Variants in NXN observed in about 807,000 individuals in gnomAD.
The protein encoded by NXN is nucleoredoxin 1.
Under a neutral mutation model 48.6 loss-of-function variants are expected in NXN, and 16 were observed. That is an observed-to-expected ratio of 0.33 (90% CI 0.22 to 0.50). The LOEUF (loss-of-function observed/expected upper bound fraction) is 0.50, where lower values mean the gene tolerates loss of function less well. NXN is among the 20% of genes least tolerant of loss of function. NXN has a pLI of 0.98. For synonymous variants in NXN, 281 were observed against 269.6 expected, an observed-to-expected ratio of 1.04 and a Z score of -0.41; for missense variants, 492 against 605.5, an observed-to-expected ratio of 0.81 and a Z score of 1.97.
chr17:815,037 A>T (rs1204776166), intron 5 of NXN, among the ~76,000 whole-genome samples: 1 of 152,214 alleles, frequency 6.6e-6, no homozygotes, highest in Admixed American at 6.5e-5. Context: ...AAGTCCAGGG[A>T]TTACAGGCGT....
intron 1 of NXN, among the ~76,000 whole-genome samples, chr17:855,152 G>A (rs753069661): frequency 2.0e-5 from 3 of 152,016 alleles, no homozygotes; most frequent in African/African-American, 4.8e-5. Context: ...GGAGCAAACC[G>A]GTAGTCCCAG....
chr17:958,631 C>T lies in NXN; in HGVS notation c.360+20688G>A, dbSNP rs1001776623. ...ACTAAAAATACAAAAATTAGCCAGG[C>T]GTGGTGGCGTGCGCCTGTAGTCCCA... is the stretch of plus-strand genomic sequence containing the variant. On this transcript the variant is annotated intron_variant, in intron 1 of 7. Transcript: ENST00000336868. This position sits in a 1 kb window ranked among gnomAD's most constrained non-coding sequence, Gnocchi z 6.9. 1.3e-5 allele frequency among the ~76,000 whole-genome samples: 2 copies of T among 152,078 alleles called. No individual in the cohort carries two copies. The highest frequency in any genetic ancestry group is 2.9e-5 in the Non-Finnish European group (2 of 68,030).
In NXN at chr17:889,745, A is replaced by AAG. The variant is rs1285391109; in HGVS notation, c.361-63669_361-63668dup. On this transcript the variant is annotated intron_variant, in intron 1 of 7. Transcript: ENST00000336868. ...AAAGAAAGAAAGAAAGAAAGAAAGAAAGAAAGAAAGAAAGAAAAAGAAAGA... is the reference window on the plus strand; with the variant it reads ...AAAGAAAGAAAGAAAGAAAGAAAGAAAGAGAAAGAAAGAAAGAAAAAGAAAGA... Among the ~76,000 whole-genome samples, 56 of 58,216 alleles carry AAG rather than the reference A, an allele frequency of 9.6e-4. 2 individuals carry two copies. The highest frequency in any genetic ancestry group is 1.4e-3 in the Admixed American group (9 of 6,332). The allele number at this position is 58,216 out of a possible 152,430, so 38.2% of individuals were successfully genotyped here. A position where few individuals can be genotyped will look rare whatever the true frequency, so the allele number is the denominator to read the frequency against.
chr17:803,693 C>A lies in NXN; in HGVS notation c.1114G>T (p.Val372Leu), dbSNP rs61731770. 6.2e-7 allele frequency: 1 copy of A among 1,614,052 alleles called. No individual in the cohort carries two copies. The highest frequency in any genetic ancestry group is 1.7e-5 in the Admixed American group (1 of 59,990). Residue 372 changes from valine (V) to leucine (L), a missense_variant, in exon 7 of 8, where the codon GTA becomes TTA. This residue lies in a region of NXN where 303 missense variants were observed against 388.3 expected (regional missense o/e 0.78). Coordinates refer to ENST00000336868, the MANE Select transcript of NXN (RefSeq NM_022463.5). ...TCCTCCGCACTCACCTCCCCGGCTACGAAGAACAGAAGGGGTGCCTCCTCC... is the reference window on the plus strand; with the variant it reads ...TCCTCCGCACTCACCTCCCCGGCTAAGAAGAACAGAAGGGGTGCCTCCTCC... Reference protein sequence around the residue: ...KEEEAPLLFFVAGEDDMTDSL... With the variant: ...KEEEAPLLFFLAGEDDMTDSL...
chr17:888,474 G>GC (rs2068372977), intron 1 of NXN, among the ~76,000 whole-genome samples: 1 of 152,104 alleles, frequency 6.6e-6, no homozygotes, highest in African/African-American at 2.4e-5. Flanking sequence ...GGCCACCTTG[G>GC]CCCCCCAAAG....
chr17:884,605 G>C (rs750004306), intron 1 of NXN, among the ~76,000 whole-genome samples: 4 of 152,172 alleles, frequency 2.6e-5, no homozygotes, highest in Non-Finnish European at 4.4e-5. Context: ...CTGGGGACAG[G>C]CTGGGACGGA....
chr17:935,060 C>T (rs368368265), intron 1 of NXN, among the ~76,000 whole-genome samples: 136 of 150,456 alleles, frequency 9.0e-4, no homozygotes, highest in African/African-American at 3.0e-3. Flanking sequence ...GGTGTGATCT[C>T]GGCTCACTGC....
chr17:924,769 C>T (rs994540908), intron 1 of NXN, among the ~76,000 whole-genome samples: 2 of 152,204 alleles, frequency 1.3e-5, no homozygotes, highest in African/African-American at 4.8e-5. Flanking sequence ...CTTGGCAGCA[C>T]CAAGCCTCAT....
At chr17:965,383 A>G (rs2069289930) in intron 1 of NXN, among the ~76,000 whole-genome samples, 1 of 152,202 alleles carries the variant, frequency 6.6e-6, no homozygotes, top group South Asian at 2.1e-4. Context: ...ACTTAGGAAA[A>G]GAAGGGATCT....
chr17:901,443 G>A (rs2068536921), intron 1 of NXN, among the ~76,000 whole-genome samples: 3 of 152,092 alleles, frequency 2.0e-5, no homozygotes, highest in Admixed American at 6.6e-5. Context: ...TCCAACTCCC[G>A]GCTCTGCCAG....
At chr17:845,308 T>C (rs888628142) in intron 1 of NXN, among the ~76,000 whole-genome samples, 1 of 151,544 alleles carries the variant, frequency 6.6e-6, no homozygotes, top group Non-Finnish European at 1.5e-5. Flanking sequence ...CCTTCTAAAA[T>C]CCTACCATCA....
chr17:892,451 G>A (rs2068433439), intron 1 of NXN, among the ~76,000 whole-genome samples: 2 of 152,266 alleles, frequency 1.3e-5, no homozygotes, highest in South Asian at 2.1e-4. Context: ...AAATCCACCT[G>A]GTGCCTCTCT....
rs538270051 is a variant in NXN at position 811,503 on chromosome 17, C to T, written c.821-6256G>A. ...ACATTCCCCAGGCTGCGTAAAGCCC[C>T]GGGGTTGGGGGGGGGGCAGCACTCT... On this transcript the variant is annotated intron_variant, in intron 5 of 7. Coordinates refer to ENST00000336868, the MANE Select transcript of NXN (RefSeq NM_022463.5). Among the ~76,000 whole-genome samples, 7 of 131,808 alleles carry T rather than the reference C, an allele frequency of 5.3e-5. No individual in the cohort carries two copies. The South Asian group carries it at 7.7e-4, about 15-fold the overall frequency. The allele number at this position is 131,808 out of a possible 152,430, so 86.5% of individuals were successfully genotyped here.
At chr17:805,729 T>G (rs1248195020) in intron 5 of NXN, among the ~76,000 whole-genome samples, 2 of 151,966 alleles carry the variant, frequency 1.3e-5, no homozygotes, top group Admixed American at 6.6e-5. Context: ...TCCCAGCTAC[T>G]CGGGAGGCTG....
chr17:951,698 C>T (rs938170697), intron 1 of NXN, among the ~76,000 whole-genome samples: 5 of 151,980 alleles, frequency 3.3e-5, no homozygotes, highest in African/African-American at 9.7e-5. Context: ...AAACCTCAGG[C>T]ATGAGTCTGG....
At chr17:871,371 C>T (rs76915261) in intron 1 of NXN, among the ~76,000 whole-genome samples, 3,072 of 150,064 alleles carry the variant, frequency 0.02, 40 homozygotes, top group Non-Finnish European at 0.03. Flanking sequence ...GTCTGTTTTC[C>T]AGTGATAAAT....
chr17:808,274 C>G (rs975937267), intron 5 of NXN, among the ~76,000 whole-genome samples: 5 of 151,936 alleles, frequency 3.3e-5, no homozygotes, highest in Non-Finnish European at 5.9e-5. Context: ...CCTGTTCCCC[C>G]AGCCCTTGAA....
chr17:953,329 C>T (rs189601119), intron 1 of NXN, among the ~76,000 whole-genome samples: 1 of 152,096 alleles, frequency 6.6e-6, no homozygotes, highest in Non-Finnish European at 1.5e-5. Flanking sequence ...GCAGGAGAAT[C>T]GCTTGAACCC....
intron 1 of NXN, among the ~76,000 whole-genome samples, chr17:869,587 A>G (rs1298262678): frequency 6.6e-6 from 1 of 152,260 alleles, no homozygotes; most frequent in Non-Finnish European, 1.5e-5. Flanking sequence ...TACTTTAGAA[A>G]GATACTGTAA....
Sources: gnomAD v4.1 joint callset for allele counts (sites outside exome capture counted in the v4.1 genomes callset) on GRCh38, gnomAD v4.1.1 for gene constraint, gnomAD v4.1.1 regional missense constraint, Gnocchi (gnomAD v3.1) non-coding constraint, MANE v1.5 for transcripts, NCBI Gene and HGNC (gene_info 2026-07-23, HGNC 2026-07-21) for gene names.